Variants in AP1G1 observed in about 807,000 individuals in gnomAD.
AP1G1 encodes the protein adaptor related protein complex 1 subunit gamma 1.
In AP1G1, 7 loss-of-function variants were observed where a neutral mutation model predicts 108.3. That is an observed-to-expected ratio of 0.06 (90% CI 0.04 to 0.12). The LOEUF (loss-of-function observed/expected upper bound fraction) is 0.12. AP1G1 is among the 10% of genes least tolerant of loss of function. The probability of loss-of-function intolerance (pLI) is 1.00; values close to 1 mark genes in which losing one functional copy is unlikely to be tolerated. For missense variants in AP1G1, 756 were observed against 1,010.7 expected (o/e 0.75, Z 3.42); for synonymous variants, 379 against 353.5 (o/e 1.07, Z -0.81).
chr16:71,764,337 C>A lies in AP1G1; in HGVS notation c.918+13G>T, dbSNP rs2031228603. ...ACATTTAGGGGGGGAAGAAAAGATTCAAAAAGACTTACTCGCAATCCACTC... is the reference window on the plus strand; with the variant it reads ...ACATTTAGGGGGGGAAGAAAAGATTAAAAAAGACTTACTCGCAATCCACTC... On this transcript the variant is annotated intron_variant, in intron 9 of 22. Coordinates refer to ENST00000299980, the MANE Select transcript of AP1G1 (RefSeq NM_001128.6). 1.3e-6 allele frequency: 2 copies of A among 1,532,236 alleles called. No individual in the cohort carries two copies. The highest frequency in any genetic ancestry group is 1.8e-6 in the Non-Finnish European group (2 of 1,118,142). 94.9% of individuals were successfully genotyped at this position (1,532,236 alleles called of 1,614,324 possible).
At chr16:71,759,805 A>G (rs1028685870) in intron 10 of AP1G1, among the ~76,000 whole-genome samples, 1 of 151,698 alleles carries the variant, frequency 6.6e-6, no homozygotes, top group East Asian at 1.9e-4. Context: ...TAAAATATAA[A>G]ATAAATAGAA....
In AP1G1 at chr16:71,738,944, T is replaced by C; in HGVS notation, c.2266A>G (p.Lys756Glu). ...ATCTAAAGAAGACATTGTAGTACCT[T>C]TGGTACTGCAGCTTGGAAAACAAAG... ...TDFVFQAAVP[K>E]TFQLQLLSPS... The change falls in exon 21 of 23, where the codon AAG (lysine) becomes GAG (glutamate). Residue 756 changes from lysine to glutamate, a missense_variant and splice_region_variant. By Grantham distance (56) the Lys-to-Glu change is moderately conservative. Transcript: ENST00000299980. 1 of 1,613,224 alleles carries C rather than the reference T, an allele frequency of 6.2e-7. No individual in the cohort carries two copies. Among genetic ancestry groups the C allele is most frequent in the Non-Finnish European group, 8.5e-7 (1 of 1,179,372 alleles).
At chr16:71,745,369 C>A (rs1161322127) in intron 18 of AP1G1, 99 bp from the exon 19 acceptor site, 3 of 1,600,296 alleles carry the variant, frequency 1.9e-6, no homozygotes, top group Non-Finnish European at 2.6e-6. Flanking sequence ...GGAAGGAAAT[C>A]ATCAACCAAC....
intron 2 of AP1G1, among the ~76,000 whole-genome samples, chr16:71,779,894 GTA>G (rs1313622456): frequency 6.6e-6 from 1 of 152,020 alleles, no homozygotes; most frequent in East Asian, 1.9e-4. Flanking sequence ...CAAGGCGGGA[GTA>G]TTCCTTAAGC....
At chr16:71,750,553 T>A (rs1203527775) in intron 13 of AP1G1, 9 of 440,332 alleles carry the variant, frequency 2.0e-5, no homozygotes, top group African/African-American at 1.8e-4. Context: ...TAGCTGGGAC[T>A]ACAGGTACAT....
chr16:71,745,219 G>C lies in AP1G1; in HGVS notation c.1924C>G (p.Pro642Ala), dbSNP rs747548077. ...GATGGTTTGCTTGTAGGCGCAGTTG[G>C]AATAACAGGTGTTATGTCATTTCCT... ...LGGNDITPVIPTAPTSKPSSA... is the reference protein window; with the variant it reads ...LGGNDITPVIATAPTSKPSSA... The change falls in exon 19 of 23, where the codon CCA becomes GCA. Residue 642 changes from proline to alanine, a missense_variant. Pro to Ala is a conservative substitution (Grantham distance 27). Around this residue, in one of 3 missense-constraint regions of AP1G1, gnomAD observed 357 missense variants for 366.5 expected, o/e 0.97. Transcript: ENST00000299980. 1.2e-6 allele frequency: 2 copies of C among 1,614,098 alleles called. No individual in the cohort carries two copies. Among genetic ancestry groups the C allele is most frequent in the Non-Finnish European group, 1.7e-6 (2 of 1,180,010 alleles).
intron 11 of AP1G1, chr16:71,758,495 G>T (rs1244764372): frequency 1.8e-6 from 1 of 547,206 alleles, no homozygotes; most frequent in Non-Finnish European, 3.6e-6. Flanking sequence ...ACAAAGCACA[G>T]TACCTCCACT....
chr16:71,736,114 AAAAATATATAT>A (rs1050083329), intron 21 of AP1G1, among the ~76,000 whole-genome samples: 7 of 74,108 alleles, frequency 9.4e-5, no homozygotes, highest in African/African-American at 3.4e-4. Context: ...AAAAAAAAAA[AAAAATATATAT>A]ATATATATAT....
rs1244864445 is a variant in AP1G1 at position 71,745,465 on chromosome 16, C to T, written c.1872+8G>A. 6.2e-7 allele frequency: 1 copy of T among 1,614,128 alleles called. No individual in the cohort carries two copies. The highest frequency in any genetic ancestry group is 8.5e-7 in the Non-Finnish European group (1 of 1,180,028). On this transcript the variant is annotated splice_region_variant and intron_variant, in intron 18 of 22. Coordinates refer to ENST00000299980, the MANE Select transcript of AP1G1 (RefSeq NM_001128.6). Reference sequence around the variant, plus strand: ...AAGCCCCAGATGAGCAAGTGAAAGGCTGGCTACCTGGCTGGTGGGCTGTGG... The same window carrying T: ...AAGCCCCAGATGAGCAAGTGAAAGGTTGGCTACCTGGCTGGTGGGCTGTGG...
At chr16:71,736,602 TTTG>T (rs2045549278) in intron 21 of AP1G1, among the ~76,000 whole-genome samples, 1 of 134,086 alleles carries the variant, frequency 7.5e-6, no homozygotes, top group Non-Finnish European at 1.6e-5. Flanking sequence ...TTATTTATTT[TTTG>T]AGACGAGTCT....
intron 1 of AP1G1, chr16:71,806,538 C>T (rs953227127): frequency 2.0e-5 from 8 of 390,410 alleles, no homozygotes; most frequent in African/African-American, 6.7e-5. Flanking sequence ...ACTGAGCGCC[C>T]GCCTGAATGA....
intron 1 of AP1G1, among the ~76,000 whole-genome samples, chr16:71,804,171 C>G (rs1413522947): frequency 6.7e-6 from 1 of 148,314 alleles, no homozygotes; most frequent in Non-Finnish European, 1.5e-5. Flanking sequence ...CTCAGTCTCC[C>G]GAGTAGCTGG....
chr16:71,804,564 T>C (rs953496102), intron 1 of AP1G1, among the ~76,000 whole-genome samples: 16 of 152,000 alleles, frequency 1.1e-4, no homozygotes, highest in African/African-American at 3.6e-4. Context: ...CACATCACCA[T>C]GCCCGGCTAA....
At chr16:71,763,239 G>C (rs1321452088) in intron 9 of AP1G1, among the ~76,000 whole-genome samples, 2 of 152,192 alleles carry the variant, frequency 1.3e-5, no homozygotes, top group African/African-American at 4.8e-5. Context: ...GATTGTGTGA[G>C]AGTAGAGAGT....
intron 10 of AP1G1, 65 bp from the exon 11 acceptor site, chr16:71,758,986 T>A: frequency 1.1e-6 from 1 of 898,578 alleles, no homozygotes; most frequent in Non-Finnish European, 1.7e-6. Flanking sequence ...TTTCTCCGTT[T>A]AAATAATAAA....
At chr16:71,764,210 A>C (rs1269929796) in intron 9 of AP1G1, 140 bp downstream of exon 9, 1 of 561,472 alleles carries the variant, frequency 1.8e-6, no homozygotes. Flanking sequence ...CAGATACCAA[A>C]AATCCAGCAT....
At position 71,780,800 on chromosome 16, in the gene AP1G1, C is replaced by G. The variant is rs192589790; in HGVS notation, c.202-6208G>C. 1.1e-3 allele frequency among the ~76,000 whole-genome samples: 167 copies of G among 151,652 alleles called. 2 individuals carry two copies. Among genetic ancestry groups the G allele is most frequent in the Admixed American group, 8.9e-3 (136 of 15,222 alleles). ...AGCTACAACTACAGGCATATGCCAC[C>G]ACATGAGGCTAATTTTTTACTTTTT... On this transcript the variant is annotated intron_variant, in intron 2 of 22. Coordinates refer to ENST00000299980, the MANE Select transcript of AP1G1 (RefSeq NM_001128.6).
chr16:71,801,284 A>C (rs12595884), intron 1 of AP1G1, among the ~76,000 whole-genome samples: 4,183 of 151,936 alleles, frequency 0.028, 418 homozygotes, highest in East Asian at 0.24. Context: ...CATCTCAAAA[A>C]AAACAAACAA....
intron 7 of AP1G1, 85 bp from the exon 8 acceptor site, chr16:71,764,811 G>C: frequency 2.5e-6 from 2 of 793,828 alleles, no homozygotes; most frequent in Non-Finnish European, 4.1e-6. Flanking sequence ...ATAACTAAAT[G>C]AAGTCTTAGA....
Sources: gnomAD v4.1 joint callset for allele counts (sites outside exome capture counted in the v4.1 genomes callset) on GRCh38, gnomAD v4.1.1 for gene constraint, gnomAD v4.1.1 regional missense constraint, MANE v1.5 for transcripts, NCBI Gene and HGNC (gene_info 2026-07-23, HGNC 2026-07-21) for gene names.